GALNT11: variants seen among roughly 807,000 people sequenced by gnomAD.
The protein encoded by GALNT11 is polypeptide N-acetylgalactosaminyltransferase 11, also known as UDP-GalNAc:polypeptide N-acetylgalactosaminyltransferase 11.
In GALNT11, 47 loss-of-function variants were observed where a neutral mutation model predicts 72.7. The observed-to-expected ratio is 0.65, with a 90% CI of 0.51 to 0.82. The LOEUF is 0.82. Among genes scored for constraint, GALNT11 ranks in the 40% least tolerant of loss-of-function variants. The pLI is 0.00. For missense variants in GALNT11, 677 were observed against 778.4 expected (o/e 0.87, Z 1.55); for synonymous variants, 270 against 286.6 (o/e 0.94, Z 0.58).
intron 1 of GALNT11, chr7:152,074,296 C>A (rs2084826397): frequency 6.6e-6 from 1 of 152,150 alleles, no homozygotes; most frequent in Admixed American, 6.5e-5. Context: ...GGTCTTTAAT[C>A]CATTTTGAGT....
At chr7:152,105,467 G>A in intron 5 of GALNT11, 97 bp downstream of exon 5, 1 of 1,487,452 alleles carries the variant, frequency 6.7e-7, no homozygotes, top group Non-Finnish European at 9.0e-7. Flanking sequence ...GAAGAGTAGT[G>A]TTTCAAACGG....
chr7:152,075,844 G>A (rs1289544691), intron 1 of GALNT11, among the ~76,000 whole-genome samples: 2 of 150,618 alleles, frequency 1.3e-5, no homozygotes, highest in Admixed American at 6.6e-5. Context: ...GGCGGATCAC[G>A]AGGTCAGGAG....
chr7:152,082,287 C>T (rs1368343435), intron 1 of GALNT11, among the ~76,000 whole-genome samples: 2 of 152,182 alleles, frequency 1.3e-5, no homozygotes, highest in Non-Finnish European at 2.9e-5. Context: ...GGTACACTTA[C>T]CAGCAGTTTT....
At chr7:152,043,261 A>G (rs548157775) in intron 1 of GALNT11, among the ~76,000 whole-genome samples, 1 of 152,330 alleles carries the variant, frequency 6.6e-6, no homozygotes, top group East Asian at 1.9e-4. Context: ...AGACCTGCCT[A>G]GAAGTAATCC....
At chr7:152,043,668 TACTTTTCGCCCA>T (rs2082981781) in intron 1 of GALNT11, among the ~76,000 whole-genome samples, 1 of 152,164 alleles carries the variant, frequency 6.6e-6, no homozygotes, top group Non-Finnish European at 1.5e-5. Context: ...GTGGGGCAAC[TACTTTTCGCCCA>T]GTGTCATCTG....
chr7:152,057,649 A>C (rs1205859778), intron 1 of GALNT11, among the ~76,000 whole-genome samples: 2 of 151,974 alleles, frequency 1.3e-5, no homozygotes, highest in Non-Finnish European at 2.9e-5. Flanking sequence ...CTATGTCCTG[A>C]CCCCCGTTCT....
chr7:152,066,680 G>A (rs1356030072), intron 1 of GALNT11, among the ~76,000 whole-genome samples: 1 of 152,178 alleles, frequency 6.6e-6, no homozygotes, highest in Non-Finnish European at 1.5e-5. Context: ...TTAATTGTCT[G>A]GATTTCAAAA....
intron 1 of GALNT11, among the ~76,000 whole-genome samples, chr7:152,057,504 A>AC (rs1467891646): frequency 6.6e-6 from 1 of 151,742 alleles, no homozygotes; most frequent in Admixed American, 6.6e-5. Context: ...ATAGGGTTTC[A>AC]CCATGTTGGC....
intron 6 of GALNT11, among the ~76,000 whole-genome samples, chr7:152,108,598 C>G (rs1193918069): frequency 6.6e-6 from 1 of 152,208 alleles, no homozygotes; most frequent in African/African-American, 2.4e-5. Flanking sequence ...ATGTCAAACA[C>G]TGCGGTGTAT....
chr7:152,042,714 G>A (rs2082924515), intron 1 of GALNT11, among the ~76,000 whole-genome samples: 1 of 152,062 alleles, frequency 6.6e-6, no homozygotes, highest in Non-Finnish European at 1.5e-5. Context: ...AATTGTTCTG[G>A]AATTAGAACT....
At position 152,100,910 on chromosome 7, in the gene GALNT11, A is replaced by G. The variant is rs2086824796; in HGVS notation, c.408A>G (p.Thr136=). The G allele has an allele frequency of 2.5e-6, 4 of 1,613,838 alleles. No homozygotes were observed. The highest frequency in any genetic ancestry group is 3.4e-6 in the Non-Finnish European group (4 of 1,179,880). ...RLGYHRDVPD[T]RNAACKEKFY... is the part of the protein sequence containing the mutation. Reference sequence around the variant, plus strand: ...GCTACCACAGAGATGTGCCAGACACAAGGAATGCAGCGTATGTGCCTTATC... The same window carrying G: ...GCTACCACAGAGATGTGCCAGACACGAGGAATGCAGCGTATGTGCCTTATC... The change falls in exon 3 of 12, where the codon ACA becomes ACG. Residue 136 remains threonine, a synonymous_variant. Transcript: ENST00000430044.
At chr7:152,101,971 T>C (rs942947024) in intron 3 of GALNT11, among the ~76,000 whole-genome samples, 1 of 152,012 alleles carries the variant, frequency 6.6e-6, no homozygotes, top group African/African-American at 2.4e-5. Flanking sequence ...CTCCTAACCC[T>C]TTTTTTCCCA....
At chr7:152,058,852 G>C (rs2083842158) in intron 1 of GALNT11, among the ~76,000 whole-genome samples, 1 of 152,072 alleles carries the variant, frequency 6.6e-6, no homozygotes, top group African/African-American at 2.4e-5. Context: ...TCATCACCAG[G>C]AGCGATTCCA....
chr7:152,101,923 C>T (rs564470784), intron 3 of GALNT11, among the ~76,000 whole-genome samples: 4 of 152,072 alleles, frequency 2.6e-5, no homozygotes, highest in African/African-American at 4.8e-5. Flanking sequence ...TGAGCCACTG[C>T]GCCTGGCCAG....
At chr7:152,051,687 T>C (rs147436052) in intron 1 of GALNT11, among the ~76,000 whole-genome samples, 119 of 152,276 alleles carry the variant, frequency 7.8e-4, no homozygotes, top group African/African-American at 2.8e-3. Context: ...AAAAATCATG[T>C]TTTCCTTTTC....
intron 1 of GALNT11, among the ~76,000 whole-genome samples, chr7:152,035,468 C>T (rs1026562561): frequency 1.8e-4 from 27 of 152,298 alleles, no homozygotes; most frequent in African/African-American, 6.3e-4. Flanking sequence ...GCTTGGGCAA[C>T]ATGACTTCGA....
chr7:152,099,903 A>T (rs2086706158), intron 2 of GALNT11, among the ~76,000 whole-genome samples: 1 of 148,664 alleles, frequency 6.7e-6, no homozygotes, highest in Admixed American at 6.7e-5. Context: ...TAGCCAAGTC[A>T]TGGAGACTAC....
At position 152,046,936 on chromosome 7, in the gene GALNT11, G is replaced by A. The variant is rs118181786; in HGVS notation, c.-39+21052G>A. 7.0e-4 allele frequency among the ~76,000 whole-genome samples: 106 copies of A among 152,050 alleles called. 1 individual carries two copies. The East Asian group carries it at 0.019, about 28-fold the overall frequency. ...CTCTGGTGGTATGTTTTAATTTCTT[G>A]CATTTTATTTTTTGTGTATCTATCA... is the stretch of plus-strand genomic sequence containing the variant. On this transcript the variant is annotated intron_variant, in intron 1 of 11. Transcript: ENST00000430044.
intron 8 of GALNT11, among the ~76,000 whole-genome samples, chr7:152,116,584 G>A (rs982187093): frequency 6.6e-6 from 1 of 152,150 alleles, no homozygotes; most frequent in African/African-American, 2.4e-5. Context: ...ATCTTAATAT[G>A]ATTTCATATT....
Sources: allele counts gnomAD v4.1 joint callset (sites outside exome capture counted in the v4.1 genomes callset), GRCh38; gene constraint gnomAD v4.1.1; transcripts MANE v1.5; gene names NCBI Gene and HGNC (gene_info 2026-07-23, HGNC 2026-07-21).